The following JPH3 variants were observed in gnomAD, a reference collection of about 807,000 sequenced individuals.
JPH3 encodes junctophilin 3, also known as junctophilin-3.
A neutral mutation model predicts 59.6 loss-of-function variants in JPH3; 11 were observed. That is an observed-to-expected ratio of 0.18 (90% CI 0.12 to 0.31). JPH3 has a LOEUF of 0.31. JPH3 is among the 10% of genes least tolerant of loss of function. The pLI is 1.00. For synonymous variants in JPH3, 673 were observed against 483.6 expected, an observed-to-expected ratio of 1.39 and a Z score of -5.14; for missense variants, 1,202 against 1,105.7, an observed-to-expected ratio of 1.09 and a Z score of -1.24.
intron 1 of JPH3, among the ~76,000 whole-genome samples, chr16:87,606,494 G>T (rs992404531): frequency 3.3e-5 from 5 of 152,166 alleles, no homozygotes; most frequent in African/African-American, 9.7e-5. Flanking sequence ...CTGGGGGTGT[G>T]GGGTACAGGC....
At chr16:87,641,957 C>A (rs12930996) in intron 1 of JPH3, among the ~76,000 whole-genome samples, 8,646 of 152,234 alleles carry the variant, frequency 0.057, 270 homozygotes, top group Non-Finnish European at 0.066. Context: ...GGGCCCGGGC[C>A]CTGGGGTGCT....
rs1475962991 is a variant in JPH3 at position 87,690,428 on chromosome 16, T to C, written c.2068T>C (p.Leu690=). The C allele has an allele frequency of 1.5e-5, 23 of 1,498,302 alleles. No individual in the cohort carries two copies. Among genetic ancestry groups the C allele is most frequent in the African/African-American group, 2.8e-5 (2 of 70,860 alleles). The allele number at this position is 1,498,302 out of a possible 1,614,324, so 92.8% of individuals were successfully genotyped here. ...SLRLGGAEPR[L]LRWDLTFSPP... is the part of the protein sequence containing the mutation. ...GCGGCTGGGCGGGGCCGAGCCCCGG[T>C]TGCTGCGTTGGGACTTGACCTTCTC... Residue 690 remains leucine (L), a synonymous_variant, in exon 4 of 5, where the codon TTG becomes CTG. Coordinates refer to ENST00000284262, the MANE Select transcript of JPH3 (RefSeq NM_020655.4).
intron 2 of JPH3, among the ~76,000 whole-genome samples, chr16:87,661,643 A>T (rs1016632194): frequency 2.9e-4 from 44 of 152,350 alleles, no homozygotes; most frequent in African/African-American, 1.1e-3. Flanking sequence ...AAGGCCAGCC[A>T]TGTCTGCTCA....
chr16:87,661,201 G>A (rs888308272), intron 2 of JPH3, among the ~76,000 whole-genome samples: 6 of 152,148 alleles, frequency 3.9e-5, no homozygotes, highest in Non-Finnish European at 7.4e-5. Context: ...TCTCCTCTCC[G>A]ACCTCCTGCC....
chr16:87,606,396 G>A (rs1188061789), intron 1 of JPH3, among the ~76,000 whole-genome samples: 1 of 152,226 alleles, frequency 6.6e-6, no homozygotes, highest in African/African-American at 2.4e-5. Flanking sequence ...GGGGACACCT[G>A]TGCCAACTCC....
intron 1 of JPH3, among the ~76,000 whole-genome samples, chr16:87,605,801 C>G (rs1253721619): frequency 6.6e-6 from 1 of 152,198 alleles, no homozygotes; most frequent in Non-Finnish European, 1.5e-5. Flanking sequence ...ACCAAACCCC[C>G]CTCGTTCTTG....
rs534616016 is a variant in JPH3, at chr16:87,687,609, G to A, written c.1286-2037G>A. ...GACTGAGCGTCGGAGGCTGCAGGAC[G>A]CAGGTGGCTTGAAGGCACAGGAAGA... On this transcript the variant is annotated intron_variant, in intron 3 of 4. Transcript: ENST00000284262. 2.0e-4 allele frequency among the ~76,000 whole-genome samples: 31 copies of A among 151,596 alleles called. No individual in the cohort carries two copies. The East Asian group carries it at 3.1e-3, about 15-fold the overall frequency.
intron 2 of JPH3, among the ~76,000 whole-genome samples, chr16:87,662,260 T>G (rs753726327): frequency 6.6e-6 from 1 of 152,106 alleles, no homozygotes; most frequent in Non-Finnish European, 1.5e-5. Context: ...CCCCTCTGCC[T>G]GGGGAGGTGA....
At chr16:87,634,612 C>G (rs754742900) in intron 1 of JPH3, among the ~76,000 whole-genome samples, 3 of 152,254 alleles carry the variant, frequency 2.0e-5, no homozygotes, top group Non-Finnish European at 4.4e-5. Flanking sequence ...CAGGCCCAGG[C>G]TGGTGGATCT....
intron 1 of JPH3, among the ~76,000 whole-genome samples, chr16:87,614,527 C>G (rs946544601): frequency 6.7e-6 from 1 of 148,280 alleles, no homozygotes; most frequent in Non-Finnish European, 1.5e-5. Flanking sequence ...TCCATGCACA[C>G]AGGAGGAGCT....
chr16:87,642,747 A>T (rs1042448564), intron 1 of JPH3, among the ~76,000 whole-genome samples: 1 of 152,166 alleles, frequency 6.6e-6, no homozygotes, highest in Non-Finnish European at 1.5e-5. Context: ...CCTCACGGTG[A>T]CCTTTGGCAT....
intron 4 of JPH3, among the ~76,000 whole-genome samples, chr16:87,693,147 G>A (rs1269688676): frequency 6.6e-6 from 1 of 152,230 alleles, no homozygotes; most frequent in Admixed American, 6.5e-5. Flanking sequence ...TTTCTCTCTG[G>A]CTGAGTGGAG....
chr16:87,616,060 C>A (rs1273564506), intron 1 of JPH3, among the ~76,000 whole-genome samples: 1 of 152,170 alleles, frequency 6.6e-6, no homozygotes, highest in African/African-American at 2.4e-5. Flanking sequence ...GTGGCTGCCG[C>A]AGTTGGGAGA....
rs190676833 is a variant in JPH3, at chr16:87,678,960, C to A, written c.1161-5182C>A. On this transcript the variant is annotated intron_variant, in intron 2 of 4. Transcript: ENST00000284262. Reference sequence around the variant, plus strand: ...TTCTTGATTTTGGACTCCGGGACTGCAGGACCGTGAGAAAAGGAGTGAGTG... The same window carrying A: ...TTCTTGATTTTGGACTCCGGGACTGAAGGACCGTGAGAAAAGGAGTGAGTG... Among the ~76,000 whole-genome samples, 14 of 152,190 alleles carry A rather than the reference C, an allele frequency of 9.2e-5. No individual in the cohort carries two copies. In the East Asian group the frequency reaches 2.7e-3, roughly 29 times the overall value.
At chr16:87,653,857 A>G (rs920493826) in intron 2 of JPH3, 3 of 152,248 alleles carry the variant, frequency 2.0e-5, no homozygotes, top group African/African-American at 4.8e-5. Flanking sequence ...CCTGCTGTCT[A>G]CACCTGTGCA....
At chr16:87,632,853 ACTGCACTCCAGC>A (rs1452324489) in intron 1 of JPH3, among the ~76,000 whole-genome samples, 3 of 151,892 alleles carry the variant, frequency 2.0e-5, no homozygotes, top group East Asian at 3.9e-4. Context: ...AGATCATGCC[ACTGCACTCCAGC>A]CTGCACGACA....
At chr16:87,655,957 C>G (rs1336163154) in intron 2 of JPH3, among the ~76,000 whole-genome samples, 4 of 152,236 alleles carry the variant, frequency 2.6e-5, no homozygotes, top group African/African-American at 4.8e-5. Context: ...CTCCTGGTCT[C>G]TGCATAGATG....
Position 87,689,646 on chromosome 16 carries a change from G to A in JPH3, c.1286G>A (p.Gly429Glu). Residue 429 changes from glycine (G) to glutamate (E), a missense_variant and splice_region_variant, in exon 4 of 5, where the codon GGG becomes GAG. Gly to Glu is a moderately conservative substitution (Grantham distance 98, BLOSUM62 -2). Transcript: ENST00000284262. ...FSPSFQHREN[G>E]LEYQRPKRQT... is the part of the protein sequence containing the mutation. ...GGCGTCGTCTTGTGTCCCCATACAG[G>A]GCTGGAGTACCAGAGGCCGAAGCGT... 1 of 1,611,486 alleles carries A rather than the reference G, an allele frequency of 6.2e-7. No individual in the cohort carries two copies. The highest frequency in any genetic ancestry group is 2.2e-5 in the East Asian group (1 of 44,786).
At chr16:87,662,860 T>A (rs1241901523) in intron 2 of JPH3, among the ~76,000 whole-genome samples, 1 of 152,228 alleles carries the variant, frequency 6.6e-6, no homozygotes, top group Non-Finnish European at 1.5e-5. Flanking sequence ...CCTCCCTACC[T>A]GAAACCTTTC....
Sources: allele counts gnomAD v4.1 joint callset (sites outside exome capture counted in the v4.1 genomes callset), GRCh38; gene constraint gnomAD v4.1.1; transcripts MANE v1.5; gene names NCBI Gene and HGNC (gene_info 2026-07-23, HGNC 2026-07-21).